SETBP1: variants seen among roughly 807,000 people sequenced by gnomAD.
SETBP1 encodes SET binding protein 1.
In SETBP1, 9 loss-of-function variants were observed where a neutral mutation model predicts 101.0. That is an observed-to-expected ratio of 0.09 (90% CI 0.05 to 0.16). The LOEUF (loss-of-function observed/expected upper bound fraction) is 0.16. Among genes scored for constraint, SETBP1 ranks in the 10% least tolerant of loss-of-function variants. The pLI is 1.00. For missense variants in SETBP1, 1,858 were observed against 2,033.8 expected, an observed-to-expected ratio of 0.91 and a Z score of 1.66; for synonymous variants, 818 against 788.5, an observed-to-expected ratio of 1.04 and a Z score of -0.63.
chr18:44,853,796 C>T (rs1014690635), intron 2 of SETBP1, among the ~76,000 whole-genome samples: 1 of 152,166 alleles, frequency 6.6e-6, no homozygotes, highest in African/African-American at 2.4e-5. Flanking sequence ...ACTGCAGGGG[C>T]TCTTCCAACG....
At chr18:44,837,570 A>T (rs1015563118) in intron 2 of SETBP1, among the ~76,000 whole-genome samples, 1 of 152,184 alleles carries the variant, frequency 6.6e-6, no homozygotes, top group Non-Finnish European at 1.5e-5. Flanking sequence ...TTTGCATCAC[A>T]TGGATGGGGT....
chr18:44,711,111 C>T lies in SETBP1; in HGVS notation c.486+9279C>T, dbSNP rs541560887. 2.6e-5 allele frequency among the ~76,000 whole-genome samples: 4 copies of T among 152,234 alleles called. 1 individual carries two copies. Among genetic ancestry groups the T allele is most frequent in the South Asian group, 4.1e-4 (2 of 4,822 alleles). Reference sequence around the variant, plus strand: ...CTGCTGGGGGAGTGCAAGCTGAGGCCGCCATCTGAGTGCGTTGAACAGGAA... The same window carrying T: ...CTGCTGGGGGAGTGCAAGCTGAGGCTGCCATCTGAGTGCGTTGAACAGGAA... On this transcript the variant is annotated intron_variant, in intron 2 of 5. Transcript: ENST00000649279.
chr18:44,850,552 G>A (rs1341246687), intron 2 of SETBP1, among the ~76,000 whole-genome samples: 2 of 151,936 alleles, frequency 1.3e-5, no homozygotes, highest in Admixed American at 1.3e-4. Flanking sequence ...TGTATTTTTA[G>A]TAGAGGCAGG....
chr18:44,709,812 A>AT (rs35610551), intron 2 of SETBP1, among the ~76,000 whole-genome samples: 82,232 of 121,572 alleles, frequency 0.68, 27,966 homozygotes, highest in Middle Eastern at 0.81. Flanking sequence ...ATCACTAATG[A>AT]TTTTTTTTTT....
intron 2 of SETBP1, among the ~76,000 whole-genome samples, chr18:44,811,207 A>G (rs1003547842): frequency 1.3e-5 from 2 of 152,250 alleles, no homozygotes; most frequent in Admixed American, 1.3e-4. Flanking sequence ...TTATTTACTC[A>G]TGAAGAGACA....
Position 44,845,783 on chromosome 18 carries a change from A to G in SETBP1, c.487-23447A>G, listed in dbSNP as rs190840881. The stretch of plus-strand genomic sequence containing the variant: ...TCTCCAGGGAGACCACTTCTAATTA[A>G]TTACCACCTACCCTGCACTCAAGAG... On this transcript the variant is annotated intron_variant, in intron 2 of 5. Coordinates refer to ENST00000649279, the MANE Select transcript of SETBP1 (RefSeq NM_015559.3). Among the ~76,000 whole-genome samples, 39 of 152,330 alleles carry G rather than the reference A, an allele frequency of 2.6e-4. No homozygotes were observed. The East Asian group carries it at 7.3e-3, about 29-fold the overall frequency.
intron 2 of SETBP1, among the ~76,000 whole-genome samples, chr18:44,864,369 C>A (rs569341981): frequency 6.6e-6 from 1 of 152,128 alleles, no homozygotes; most frequent in African/African-American, 2.4e-5. Context: ...TCTACTCTCA[C>A]CTCCTTAGGA....
intron 2 of SETBP1, among the ~76,000 whole-genome samples, chr18:44,765,491 G>A (rs1319418331): frequency 6.6e-6 from 1 of 152,068 alleles, no homozygotes; most frequent in Non-Finnish European, 1.5e-5. Context: ...TTTTTGTTTT[G>A]TTTTAATGTG....
intron 3 of SETBP1, among the ~76,000 whole-genome samples, chr18:44,947,362 C>A (rs1043175075): frequency 1.3e-5 from 2 of 151,924 alleles, no homozygotes; most frequent in Non-Finnish European, 2.9e-5. Context: ...GGCCTAGCGT[C>A]ACCATGGAGC....
At position 44,752,835 on chromosome 18, in the gene SETBP1, T is replaced by G. The variant is rs116166324; in HGVS notation, c.486+51003T>G. ...TCAATAGTCATAAGTGGCCTTCAGG[T>G]TCTCCTCTAACCTTCTGGAATTGGA... is the stretch of plus-strand genomic sequence containing the variant. On this transcript the variant is annotated intron_variant, in intron 2 of 5. Coordinates refer to ENST00000649279, the MANE Select transcript of SETBP1 (RefSeq NM_015559.3). Among the ~76,000 whole-genome samples, 1,513 of 152,298 alleles carry G rather than the reference T, an allele frequency of 9.9e-3. 27 individuals carry two copies. The highest frequency in any genetic ancestry group is 0.034 in the African/African-American group (1,423 of 41,556).
At chr18:44,920,763 T>C (rs547160236) in intron 3 of SETBP1, among the ~76,000 whole-genome samples, 1 of 152,284 alleles carries the variant, frequency 6.6e-6, no homozygotes, top group East Asian at 1.9e-4. Flanking sequence ...TGGGAGTCTA[T>C]GGAAAGCTCC....
At chr18:44,723,719 T>A (rs2069650720) in intron 2 of SETBP1, among the ~76,000 whole-genome samples, 1 of 152,154 alleles carries the variant, frequency 6.6e-6, no homozygotes, top group Non-Finnish European at 1.5e-5. Flanking sequence ...GGCCTTTTAT[T>A]TCCCAGCTGC....
intron 2 of SETBP1, among the ~76,000 whole-genome samples, chr18:44,848,758 C>G (rs1311289324): frequency 1.3e-5 from 2 of 152,172 alleles, no homozygotes; most frequent in Admixed American, 1.3e-4. Context: ...GGAAGCCTCC[C>G]GATGATTCCG....
chr18:44,731,121 A>G (rs1222760461), intron 2 of SETBP1, among the ~76,000 whole-genome samples: 1 of 151,844 alleles, frequency 6.6e-6, no homozygotes, highest in African/African-American at 2.4e-5. Flanking sequence ...ACCTCTTGAC[A>G]TGGCTGACTT....
At chr18:44,880,041 T>C (rs1274947421) in intron 3 of SETBP1, among the ~76,000 whole-genome samples, 1 of 152,232 alleles carries the variant, frequency 6.6e-6, no homozygotes, top group East Asian at 1.9e-4. Flanking sequence ...GCTCCTACCC[T>C]GTGGAAGATT....
chr18:44,939,425 T>A (rs2071037813), intron 3 of SETBP1, among the ~76,000 whole-genome samples: 1 of 152,206 alleles, frequency 6.6e-6, no homozygotes, highest in African/African-American at 2.4e-5. Context: ...GTGGGGTGTG[T>A]CCATGGTTTG....
intron 2 of SETBP1, among the ~76,000 whole-genome samples, chr18:44,750,801 CAA>C (rs2070365236): frequency 6.6e-6 from 1 of 152,128 alleles, no homozygotes; most frequent in Non-Finnish European, 1.5e-5. Context: ...TAAAAAATAT[CAA>C]GTTATGAAAG....
intron 2 of SETBP1, among the ~76,000 whole-genome samples, chr18:44,776,250 G>T (rs16978162): frequency 6.6e-6 from 1 of 151,918 alleles, no homozygotes; most frequent in Non-Finnish European, 1.5e-5. Context: ...GGGCTCCACC[G>T]CGCACCCAAC....
At chr18:44,845,499 G>C (rs2072706119) in intron 2 of SETBP1, among the ~76,000 whole-genome samples, 1 of 152,174 alleles carries the variant, frequency 6.6e-6, no homozygotes, top group South Asian at 2.1e-4. Flanking sequence ...CTCAGTCTCT[G>C]GTCTCTGGGT....
Sources: gnomAD v4.1 joint callset for allele counts (sites outside exome capture counted in the v4.1 genomes callset) on GRCh38, gnomAD v4.1.1 for gene constraint, MANE v1.5 for transcripts, NCBI Gene and HGNC (gene_info 2026-07-23, HGNC 2026-07-21) for gene names.